The following SRPK2 variants were observed in gnomAD, a reference collection of about 807,000 sequenced individuals.
The protein encoded by SRPK2 is SRSF protein kinase 2, also known as SFRS protein kinase 2.
In SRPK2, 21 loss-of-function variants were observed where a neutral mutation model predicts 90.8. The ratio of observed to expected loss-of-function variants is 0.23; its 90% CI spans 0.16 to 0.33. The LOEUF is 0.33. Ranked by LOEUF, SRPK2 falls within the 10% of genes least tolerant of loss-of-function variation. SRPK2 has a pLI of 1.00. For missense variants in SRPK2, 620 were observed against 869.0 expected, an observed-to-expected ratio of 0.71 and a Z score of 3.60; for synonymous variants, 288 against 311.1, an observed-to-expected ratio of 0.93 and a Z score of 0.78.
At chr7:105,159,464 A>ACAAAAAAAAAAACAAAAAAAAAAAAC (rs1230460659) in intron 7 of SRPK2, among the ~76,000 whole-genome samples, 6 of 141,680 alleles carry the variant, frequency 4.2e-5, no homozygotes, top group Admixed American at 2.0e-4. Context: ...AAAAAAAAAA[A>ACAAAAAAAAAAACAAAAAAAAAAAAC]AAAAAAAAAC....
intron 2 of SRPK2, among the ~76,000 whole-genome samples, chr7:105,322,610 G>C (rs1233493182): frequency 6.6e-6 from 1 of 152,086 alleles, no homozygotes; most frequent in African/African-American, 2.4e-5. Flanking sequence ...TTAATGGGTA[G>C]AGTTTCTTAC....
At chr7:105,253,182 T>A (rs556308767) in intron 2 of SRPK2, among the ~76,000 whole-genome samples, 116 of 152,198 alleles carry the variant, frequency 7.6e-4, no homozygotes, top group African/African-American at 2.8e-3. Context: ...CATTTCGATG[T>A]TTAATACCCC....
At chr7:105,224,161 T>C (rs1203748362) in intron 2 of SRPK2, among the ~76,000 whole-genome samples, 2 of 152,192 alleles carry the variant, frequency 1.3e-5, no homozygotes, top group African/African-American at 4.8e-5. Flanking sequence ...CCCCATTCTA[T>C]ATTTTTAAAT....
At chr7:105,286,592 C>G (rs1228779458) in intron 2 of SRPK2, among the ~76,000 whole-genome samples, 1 of 152,138 alleles carries the variant, frequency 6.6e-6, no homozygotes, top group Non-Finnish European at 1.5e-5. Context: ...TACAGACCAA[C>G]GAAATCACTC....
intron 2 of SRPK2, among the ~76,000 whole-genome samples, chr7:105,361,306 T>G (rs1367638064): frequency 2.6e-5 from 4 of 152,118 alleles, no homozygotes; most frequent in African/African-American, 9.7e-5. Flanking sequence ...TACAAACCAC[T>G]GCTCAATGAA....
intron 2 of SRPK2, chr7:105,301,443 C>G: frequency 1.2e-6 from 1 of 805,780 alleles, no homozygotes; most frequent in Non-Finnish European, 2.1e-6. Flanking sequence ...GTCGCCGGGC[C>G]TCTGGGCCGC....
chr7:105,212,261 T>C (rs1300454239), intron 2 of SRPK2, among the ~76,000 whole-genome samples: 1 of 152,222 alleles, frequency 6.6e-6, no homozygotes, highest in Admixed American at 6.5e-5. Context: ...TGACATCCAC[T>C]GATTCTACAA....
intron 2 of SRPK2, among the ~76,000 whole-genome samples, chr7:105,341,357 C>CAAAAAAA (rs746893526): frequency 1.8e-3 from 123 of 66,498 alleles, no homozygotes; most frequent in African/African-American, 7.5e-3. Context: ...GACTCCGTCT[C>CAAAAAAA]AAAAAAAAAA....
intron 2 of SRPK2, among the ~76,000 whole-genome samples, chr7:105,245,474 C>T (rs760950965): frequency 2.6e-5 from 4 of 152,146 alleles, no homozygotes; most frequent in Non-Finnish European, 5.9e-5. Flanking sequence ...TAATGAGTCT[C>T]TTTTAGGAAT....
intron 2 of SRPK2, chr7:105,206,090 G>T (rs1796204563): frequency 6.2e-6 from 3 of 486,978 alleles, no homozygotes; most frequent in South Asian, 4.5e-5. Context: ...TGCACTGTGG[G>T]ATGCTTTTCA....
chr7:105,189,183 C>T (rs984085101), intron 3 of SRPK2: 31 of 154,866 alleles, frequency 2.0e-4, no homozygotes, highest in Non-Finnish European at 3.2e-4. Context: ...CCCCGCCACT[C>T]GCCCGCACCA....
rs117560166 is a variant in SRPK2 at position 105,302,312 on chromosome 7, T to A, written c.71+86336A>T. On this transcript the variant is annotated intron_variant, in intron 2 of 15. Coordinates refer to ENST00000393651, the MANE Select transcript of SRPK2 (RefSeq NM_182692.3). ...AAGGTGAAAATGTTACAGTTTAGTA[T>A]ACTTTATGAAGCCTCTTGAGCTTTG... 5.1e-3 allele frequency among the ~76,000 whole-genome samples: 779 copies of A among 152,370 alleles called. 12 individuals carry two copies. The East Asian group carries it at 0.055, about 11-fold the overall frequency.
chr7:105,332,721 T>C (rs945967023), intron 2 of SRPK2: 2 of 151,154 alleles, frequency 1.3e-5, no homozygotes, highest in African/African-American at 4.9e-5. Flanking sequence ...GCACATATCA[T>C]GCCACCACAC....
At chr7:105,289,485 T>C (rs1808656416) in intron 2 of SRPK2, among the ~76,000 whole-genome samples, 1 of 152,114 alleles carries the variant, frequency 6.6e-6, no homozygotes, top group African/African-American at 2.4e-5. Context: ...TACCATAGAC[T>C]ATTAAGTGTG....
At chr7:105,160,769 C>T (rs1348411831) in intron 6 of SRPK2, among the ~76,000 whole-genome samples, 156 bp from the exon 7 acceptor site, 1 of 152,122 alleles carries the variant, frequency 6.6e-6, no homozygotes, top group Non-Finnish European at 1.5e-5. Flanking sequence ...TGTTGTATCT[C>T]ACTTAAATAA....
At chr7:105,244,866 T>G in intron 2 of SRPK2, 2 of 1,247,708 alleles carry the variant, frequency 1.6e-6, no homozygotes, top group Non-Finnish European at 2.4e-6. Flanking sequence ...GGTCCTCAAG[T>G]TCATCAAGAA....
At chr7:105,180,423 A>G (rs1383480329) in intron 3 of SRPK2, among the ~76,000 whole-genome samples, 3 of 152,194 alleles carry the variant, frequency 2.0e-5, no homozygotes, top group Admixed American at 6.5e-5. Context: ...ACAAAAATCA[A>G]GATGGATTAA....
chr7:105,120,904 G>A (rs893676754), intron 15 of SRPK2, among the ~76,000 whole-genome samples: 1 of 152,178 alleles, frequency 6.6e-6, no homozygotes, highest in African/African-American at 2.4e-5. Flanking sequence ...TCGAGTCCAT[G>A]AGCCAGCTCC....
At chr7:105,168,165 T>TTG in intron 4 of SRPK2, 70 bp from the exon 5 acceptor site, 4 of 1,282,582 alleles carry the variant, frequency 3.1e-6, no homozygotes, top group Non-Finnish European at 4.4e-6. Flanking sequence ...GGTATCCAGG[T>TTG]TGAGCATCCC....
Sources: allele counts gnomAD v4.1 joint callset (sites outside exome capture counted in the v4.1 genomes callset), GRCh38; gene constraint gnomAD v4.1.1; transcripts MANE v1.5; gene names NCBI Gene and HGNC (gene_info 2026-07-23, HGNC 2026-07-21).